Variants in STXBP5L observed in about 807,000 individuals in gnomAD.
STXBP5L encodes the protein syntaxin-binding protein 5-like.
In STXBP5L, 65 loss-of-function variants were observed where a neutral mutation model predicts 144.5. The observed-to-expected ratio is 0.45, with a 90% CI of 0.37 to 0.55. STXBP5L has a LOEUF of 0.55. Among genes scored for constraint, STXBP5L ranks in the 20% least tolerant of loss-of-function variants. STXBP5L has a pLI of 0.00. For missense variants in STXBP5L, 1,298 were observed against 1,405.5 expected (o/e 0.92, Z 1.22); for synonymous variants, 505 against 469.6 (o/e 1.08, Z -0.97).
chr3:121,091,680 T>C (rs1406454044), intron 5 of STXBP5L, among the ~76,000 whole-genome samples: 17 of 152,228 alleles, frequency 1.1e-4, no homozygotes, highest in African/African-American at 3.6e-4. Context: ...TATTAGCCCT[T>C]TGTCAGATGA....
intron 3 of STXBP5L, among the ~76,000 whole-genome samples, chr3:120,999,286 G>A (rs1415639814): frequency 6.6e-6 from 1 of 152,092 alleles, no homozygotes; most frequent in African/African-American, 2.4e-5. Flanking sequence ...CTCCTGATCT[G>A]AAGTGATCTG....
intron 2 of STXBP5L, among the ~76,000 whole-genome samples, chr3:120,914,322 C>T (rs558223599): frequency 1.3e-5 from 2 of 152,164 alleles, no homozygotes; most frequent in East Asian, 1.9e-4. Context: ...AATTAGCCAA[C>T]TCACTATTCA....
rs1429686060 is a variant in STXBP5L at position 121,424,006 on chromosome 3, TA to T, written c.*4910del. 1 of 152,224 alleles carries T rather than the reference TA, an allele frequency of 6.6e-6. No homozygotes were observed. Among genetic ancestry groups the T allele is most frequent in the Non-Finnish European group, 1.5e-5 (1 of 68,046 alleles). 9.4% of individuals were successfully genotyped at this position (152,224 alleles called of 1,614,324 possible). On this transcript the variant is annotated 3_prime_UTR_variant, in exon 27 of 27. Transcript: ENST00000471454. The stretch of plus-strand genomic sequence containing the variant: ...GTCTTACACATGTGACATCACAAGA[TA>T]CCAGAAGTAGCACAGTAAATTCAAG...
rs1231857211 is a variant in STXBP5L at position 121,113,672 on chromosome 3, C to CTTTTTTT, written c.471-1241_471-1235dup. Reference sequence around the variant, plus strand: ...TTCACTTTTATTCTTTTTTCTTTTTCTTTTTTTTTTTTTTTTTTGTGACAC... The same window carrying CTTTTTTT: ...TTCACTTTTATTCTTTTTTCTTTTTCTTTTTTTTTTTTTTTTTTTTTTTTTGTGACAC... On this transcript the variant is annotated intron_variant, in intron 5 of 26. Coordinates refer to ENST00000471454, the MANE Select transcript of STXBP5L (RefSeq NM_001308330.2). Among the ~76,000 whole-genome samples, 682 of 122,472 alleles carry CTTTTTTT rather than the reference C, an allele frequency of 5.6e-3. 1 individual carries two copies. Among genetic ancestry groups the CTTTTTTT allele is most frequent in the Non-Finnish European group, 6.9e-3 (417 of 60,062 alleles). 80.3% of individuals were successfully genotyped at this position (122,472 alleles called of 152,430 possible).
intron 18 of STXBP5L, among the ~76,000 whole-genome samples, chr3:121,263,192 C>G (rs560160540): frequency 1.1e-4 from 16 of 152,262 alleles, no homozygotes; most frequent in Admixed American, 9.2e-4. Flanking sequence ...TGGAGTGGAC[C>G]ACCCAGCAAA....
At chr3:121,354,508 C>CTTTTTTTTTTTTTT (rs145703750) in intron 20 of STXBP5L, among the ~76,000 whole-genome samples, 1 of 67,542 alleles carries the variant, frequency 1.5e-5, no homozygotes, top group Non-Finnish European at 2.7e-5. Context: ...TGCAACCCTG[C>CTTTTTTTTTTTTTT]TTTTTTTTTT....
intron 9 of STXBP5L, among the ~76,000 whole-genome samples, chr3:121,164,533 C>T (rs2046434320): frequency 6.6e-6 from 1 of 152,084 alleles, no homozygotes; most frequent in African/African-American, 2.4e-5. Context: ...AGCAGTTTCT[C>T]TTATAGGTAT....
At chr3:121,013,440 G>T (rs1331913413) in intron 3 of STXBP5L, among the ~76,000 whole-genome samples, 1 of 152,010 alleles carries the variant, frequency 6.6e-6, no homozygotes, top group African/African-American at 2.4e-5. Flanking sequence ...TCTTTCTGAT[G>T]ATTAGTGATG....
chr3:120,986,833 A>G (rs1008501426), intron 3 of STXBP5L, among the ~76,000 whole-genome samples: 2 of 151,980 alleles, frequency 1.3e-5, no homozygotes, highest in African/African-American at 4.8e-5. Flanking sequence ...ATTCAAAGAC[A>G]GATTTAAGCA....
intron 16 of STXBP5L, 118 bp from the exon 17 acceptor site, chr3:121,257,043 G>A (rs1468922042): frequency 1.3e-6 from 1 of 756,264 alleles, no homozygotes; most frequent in African/African-American, 1.8e-5. Context: ...AAAACTGTGT[G>A]AATGATTCCT....
At chr3:121,169,288 G>A (rs1248250967) in intron 9 of STXBP5L, among the ~76,000 whole-genome samples, 1 of 152,066 alleles carries the variant, frequency 6.6e-6, no homozygotes, top group Non-Finnish European at 1.5e-5. Context: ...CAACTAACAG[G>A]CAAAATAAAC....
intron 2 of STXBP5L, among the ~76,000 whole-genome samples, chr3:120,934,433 G>T (rs965315370): frequency 6.6e-6 from 1 of 151,988 alleles, no homozygotes; most frequent in African/African-American, 2.4e-5. Context: ...TTACCTTTGC[G>T]AATGTTGTGT....
chr3:120,993,899 T>G (rs1436311410), intron 3 of STXBP5L, among the ~76,000 whole-genome samples: 1 of 152,040 alleles, frequency 6.6e-6, no homozygotes, highest in East Asian at 1.9e-4. Flanking sequence ...GTATGGTCAT[T>G]TAGATAATAA....
At chr3:121,080,255 G>A in intron 5 of STXBP5L, among the ~76,000 whole-genome samples, 1 of 152,000 alleles carries the variant, frequency 6.6e-6, no homozygotes, top group East Asian at 1.9e-4. Flanking sequence ...ACAGATATTG[G>A]GTTGGTGGTG....
intron 9 of STXBP5L, among the ~76,000 whole-genome samples, chr3:121,188,478 C>A (rs1207323936): frequency 7.0e-6 from 1 of 143,480 alleles, no homozygotes; most frequent in Admixed American, 7.2e-5. Context: ...TCATTCATAC[C>A]AAAGCCTGGT....
rs2049896505 is a variant in STXBP5L, at chr3:121,247,611, A to G, written c.1401-3112A>G. Among the ~76,000 whole-genome samples the G allele has an allele frequency of 2.0e-5, 3 of 152,180 alleles. No homozygotes were observed. In the South Asian group the frequency reaches 6.2e-4, roughly 31 times the overall value. The stretch of plus-strand genomic sequence containing the variant: ...CCTGTGCTGGCTTACTTAGGATTAT[A>G]GCCTCCAGCTCCATCCATGTTGCTG... On this transcript the variant is annotated intron_variant, in intron 14 of 26. Transcript: ENST00000471454.
chr3:121,293,180 C>A (rs1052907934), intron 19 of STXBP5L, among the ~76,000 whole-genome samples: 1 of 151,750 alleles, frequency 6.6e-6, no homozygotes, highest in African/African-American at 2.4e-5. Flanking sequence ...TGGATGAATC[C>A]AAAATAATTG....
At chr3:121,049,304 G>A (rs1054661316) in intron 5 of STXBP5L, among the ~76,000 whole-genome samples, 1 of 152,194 alleles carries the variant, frequency 6.6e-6, no homozygotes, top group Non-Finnish European at 1.5e-5. Flanking sequence ...CCCACTGAGA[G>A]CTCTGTCCCA....
intron 2 of STXBP5L, among the ~76,000 whole-genome samples, chr3:120,933,665 A>G (rs1173357718): frequency 6.6e-6 from 1 of 152,144 alleles, no homozygotes; most frequent in East Asian, 1.9e-4. Flanking sequence ...TCTGTCTAAA[A>G]ATTGTATTTA....
Sources: allele counts gnomAD v4.1 joint callset (sites outside exome capture counted in the v4.1 genomes callset), GRCh38; gene constraint gnomAD v4.1.1; transcripts MANE v1.5; gene names NCBI Gene and HGNC (gene_info 2026-07-23, HGNC 2026-07-21).